The following KHDRBS2 variants were observed in gnomAD, a reference collection of about 807,000 sequenced individuals.
The protein encoded by KHDRBS2 is KH RNA binding domain containing, signal transduction associated 2, also known as KH domain-containing, RNA-binding, signal transduction-associated protein 2.
A neutral mutation model predicts 44.3 loss-of-function variants in KHDRBS2; 26 were observed. That is an observed-to-expected ratio of 0.59 (90% CI 0.43 to 0.81). The LOEUF is 0.81. Ranked by LOEUF, KHDRBS2 falls within the 40% of genes least tolerant of loss-of-function variation. The pLI is 0.00. For missense variants in KHDRBS2, 476 were observed against 433.1 expected (o/e 1.10, Z -0.88); for synonymous variants, 194 against 151.1 (o/e 1.28, Z -2.08).
chr6:61,883,092 C>A (rs1433215096), intron 6 of KHDRBS2, among the ~76,000 whole-genome samples: 3 of 152,004 alleles, frequency 2.0e-5, no homozygotes, highest in African/African-American at 7.2e-5. Context: ...CCCAGCATAG[C>A]TTTTTAGGAA....
At chr6:62,114,194 G>A (rs113808137) in intron 2 of KHDRBS2, among the ~76,000 whole-genome samples, 125 of 152,148 alleles carry the variant, frequency 8.2e-4, no homozygotes, top group African/African-American at 2.9e-3. Flanking sequence ...AATTCAAGAT[G>A]AGATTTGGGT....
intron 6 of KHDRBS2, among the ~76,000 whole-genome samples, chr6:61,865,415 G>A (rs1797631952): frequency 6.6e-6 from 1 of 152,128 alleles, no homozygotes; most frequent in Admixed American, 6.5e-5. Flanking sequence ...TATATGGATA[G>A]CAGCAGGCAA....
chr6:61,975,382 T>C (rs1432159009), intron 4 of KHDRBS2, among the ~76,000 whole-genome samples: 3 of 152,142 alleles, frequency 2.0e-5, no homozygotes, highest in Non-Finnish European at 2.9e-5. Flanking sequence ...TGTTAATGTA[T>C]AGAAACTTTA....
At chr6:61,670,773 G>C in the KHDRBS2 span, among the ~76,000 whole-genome samples, 1 of 141,972 alleles carries the variant, frequency 7.0e-6, no homozygotes, top group Admixed American at 7.3e-5. Flanking sequence ...AAAATTTTAT[G>C]AACAGAGATT....
rs552992151 is a variant in KHDRBS2 at position 61,746,015 on chromosome 6, G to GT, written c.811-13252dup. Among the ~76,000 whole-genome samples, 10 of 151,744 alleles carry GT rather than the reference G, an allele frequency of 6.6e-5. No individual in the cohort carries two copies. The East Asian group carries it at 1.2e-3, about 18-fold the overall frequency. On this transcript the variant is annotated intron_variant, in intron 6 of 8. Transcript: ENST00000281156. ...TAGTCACTGAGACTTAGTACTTAACGTTTTTTTCCCAAAAAGATTTTATTT... is the reference window on the plus strand; with the variant it reads ...TAGTCACTGAGACTTAGTACTTAACGTTTTTTTTCCCAAAAAGATTTTATTT...
At chr6:61,663,528 C>CATATATATATATAT in the KHDRBS2 span, among the ~76,000 whole-genome samples, 2 of 8,102 alleles carry the variant, frequency 2.5e-4, no homozygotes, top group African/African-American at 4.0e-4. Flanking sequence ...TATATATATG[C>CATATATATATATAT]AGCTGGGACA....
In KHDRBS2 at chr6:62,059,198, GTTTTTTTTTTTTTTTTTTT is replaced by G. The variant is rs398001756; in HGVS notation, c.220-11223_220-11205del. On this transcript the variant is annotated intron_variant, in intron 2 of 8. Transcript: ENST00000281156. ...TATTTCCACATAGAAAAGTTAGGAA[GTTTTTTTTTTTTTTTTTTT>G]TTTTTTTTTTTTTTTTTGTGCTGAG... is the stretch of plus-strand genomic sequence containing the variant. Among the ~76,000 whole-genome samples, 18 of 24,886 alleles carry G rather than the reference GTTTTTTTTTTTTTTTTTTT, an allele frequency of 7.2e-4. 1 individual carries two copies. Among genetic ancestry groups the G allele is most frequent in the East Asian group, 4.3e-3 (2 of 466 alleles). 16.3% of individuals were successfully genotyped at this position (24,886 alleles called of 152,430 possible). A position where few individuals can be genotyped will look rare whatever the true frequency, so the allele number is the denominator to read the frequency against.
intron 2 of KHDRBS2, among the ~76,000 whole-genome samples, chr6:62,097,022 T>C (rs1004363602): frequency 1.3e-5 from 2 of 151,930 alleles, no homozygotes; most frequent in African/African-American, 4.8e-5. Flanking sequence ...TTTTTAAATT[T>C]CCATGTATTG....
the KHDRBS2 span, among the ~76,000 whole-genome samples, chr6:61,551,908 T>C: frequency 6.6e-6 from 1 of 152,120 alleles, no homozygotes; most frequent in African/African-American, 2.4e-5. Context: ...AAGAATGTCA[T>C]TATATATCCC....
intron 6 of KHDRBS2, among the ~76,000 whole-genome samples, chr6:61,779,408 C>G (rs554330325): frequency 6.6e-6 from 1 of 151,998 alleles, no homozygotes; most frequent in Non-Finnish European, 1.5e-5. Flanking sequence ...AGTATGGGAA[C>G]CACTGGATTA....
intron 4 of KHDRBS2, among the ~76,000 whole-genome samples, chr6:61,948,672 T>TATC (rs1764104548): frequency 1.4e-5 from 2 of 148,008 alleles, no homozygotes; most frequent in Non-Finnish European, 3.0e-5. Flanking sequence ...TTATTATTAT[T>TATC]ATTATTATTA....
chr6:61,663,784 T>G, the KHDRBS2 span, among the ~76,000 whole-genome samples: 2 of 151,432 alleles, frequency 1.3e-5, no homozygotes, highest in Non-Finnish European at 3.0e-5. Context: ...CCTGAATTAT[T>G]TGATGAATAA....
At chr6:61,876,124 T>C (rs1198593212) in intron 6 of KHDRBS2, among the ~76,000 whole-genome samples, 1 of 152,086 alleles carries the variant, frequency 6.6e-6, no homozygotes, top group Non-Finnish European at 1.5e-5. Flanking sequence ...TTTTTCACTT[T>C]ATGGCCTCCA....
chr6:61,777,158 C>T (rs1414440054), intron 6 of KHDRBS2, among the ~76,000 whole-genome samples: 3 of 151,336 alleles, frequency 2.0e-5, no homozygotes, highest in South Asian at 2.1e-4. Flanking sequence ...GAAGGGGGGA[C>T]GGGTAGCATT....
chr6:62,087,464 T>G (rs952410911), intron 2 of KHDRBS2, among the ~76,000 whole-genome samples: 1 of 151,470 alleles, frequency 6.6e-6, no homozygotes, highest in Non-Finnish European at 1.5e-5. Flanking sequence ...AAATAAAAGA[T>G]AGAAATGAAA....
chr6:62,070,188 T>C (rs1562783109), intron 2 of KHDRBS2, among the ~76,000 whole-genome samples: 1 of 151,738 alleles, frequency 6.6e-6, no homozygotes, highest in South Asian at 2.1e-4. Flanking sequence ...ATTTTATAGG[T>C]GCTGGATTTG....
chr6:61,808,280 G>A (rs889156600), intron 6 of KHDRBS2, among the ~76,000 whole-genome samples: 1 of 152,064 alleles, frequency 6.6e-6, no homozygotes, highest in Admixed American at 6.6e-5. Flanking sequence ...CAGTTCCTAT[G>A]TATGTCCACT....
chr6:61,548,937 T>C, the KHDRBS2 span, among the ~76,000 whole-genome samples: 1 of 152,118 alleles, frequency 6.6e-6, no homozygotes, highest in African/African-American at 2.4e-5. Flanking sequence ...TACGTCAGTT[T>C]GGTAGCTTAA....
intron 2 of KHDRBS2, among the ~76,000 whole-genome samples, chr6:62,173,600 G>A (rs1033144754): frequency 1.3e-5 from 2 of 151,938 alleles, no homozygotes; most frequent in Non-Finnish European, 2.9e-5. Context: ...AAACCTGGAA[G>A]AGACACAAAG....
Sources: allele counts gnomAD v4.1 joint callset (sites outside exome capture counted in the v4.1 genomes callset), GRCh38; gene constraint gnomAD v4.1.1; transcripts MANE v1.5; gene names NCBI Gene and HGNC (gene_info 2026-07-23, HGNC 2026-07-21).